Variants in ZMYM2 observed in about 807,000 individuals in gnomAD.
The protein encoded by ZMYM2 is zinc finger MYM-type protein 2.
A neutral mutation model predicts 162.8 loss-of-function variants in ZMYM2; 56 were observed. The observed-to-expected ratio is 0.34, with a 90% CI of 0.28 to 0.43. The LOEUF (loss-of-function observed/expected upper bound fraction) is 0.43. Ranked by LOEUF, ZMYM2 falls within the 20% of genes least tolerant of loss-of-function variation. The probability of loss-of-function intolerance (pLI) is 1.00; values close to 1 mark genes in which losing one functional copy is unlikely to be tolerated. For missense variants in ZMYM2, 1,275 were observed against 1,621.8 expected (o/e 0.79, Z 3.67); for synonymous variants, 510 against 541.6 (o/e 0.94, Z 0.81).
chr13:19,876,057 G>C, the ZMYM2 span, among the ~76,000 whole-genome samples: 1 of 147,922 alleles, frequency 6.8e-6, no homozygotes, highest in African/African-American at 2.5e-5. Flanking sequence ...TCGGAGTCTT[G>C]CTCTTGTCAC....
chr13:19,989,643 A>G (rs1186736778), intron 2 of ZMYM2, among the ~76,000 whole-genome samples: 3 of 152,118 alleles, frequency 2.0e-5, no homozygotes, highest in Non-Finnish European at 4.4e-5. Flanking sequence ...CCCTTCAACT[A>G]TTTATCCTTT....
chr13:20,034,486 C>T (rs975678941), intron 11 of ZMYM2, 82 bp downstream of exon 11: 1 of 1,288,062 alleles, frequency 7.8e-7, no homozygotes, highest in Non-Finnish European at 1.0e-6. Flanking sequence ...AGAGTGGCTG[C>T]ACAATTTTAA....
the ZMYM2 span, among the ~76,000 whole-genome samples, chr13:19,876,295 T>A: frequency 6.6e-6 from 1 of 152,134 alleles, no homozygotes; most frequent in Non-Finnish European, 1.5e-5. Flanking sequence ...CCCAAAGTGC[T>A]GGGATTACAT....
Position 20,082,866 on chromosome 13 carries a change from A to C in ZMYM2, c.3654A>C (p.Thr1218=). The change falls in exon 23 of 25, where the codon ACA becomes ACC. Residue 1218 remains threonine, a synonymous_variant. Transcript: ENST00000610343. The part of the protein sequence containing the change: ...GSHSPVALLN[T]LFYFNTKYFG... ...ACTCTCCAGTAGCTCTTCTGAATAC[A>C]CTGTTCTACTTTAACACTAAGTATT... The C allele has an allele frequency of 6.2e-7, 1 of 1,613,948 alleles. No homozygotes were observed. The highest frequency in any genetic ancestry group is 8.5e-7 in the Non-Finnish European group (1 of 1,179,864).
At chr13:19,906,919 T>C in the ZMYM2 span, among the ~76,000 whole-genome samples, 1 of 152,100 alleles carries the variant, frequency 6.6e-6, no homozygotes, top group African/African-American at 2.4e-5. Flanking sequence ...AGGGATGGGG[T>C]CTCATTATGT....
Position 20,087,318 on chromosome 13 carries a change from A to C in ZMYM2, c.*1304A>C, listed in dbSNP as rs1427675190. The C allele has an allele frequency of 1.1e-5, 2 of 188,956 alleles. No homozygotes were observed. The highest frequency in any genetic ancestry group is 2.2e-5 in the Non-Finnish European group (2 of 89,796). 11.7% of individuals were successfully genotyped at this position (188,956 alleles called of 1,614,324 possible). ...CTTCTGCATAGCAATTTATCCATTC[A>C]GACCTTTTCTTTTAGAATAAGGAAA... On this transcript the variant is annotated 3_prime_UTR_variant, in exon 25 of 25. Coordinates refer to ENST00000610343, the MANE Select transcript of ZMYM2 (RefSeq NM_197968.4).
At chr13:19,991,079 CTGTGTGTGTGTGTG>C (rs56666919) in intron 2 of ZMYM2, among the ~76,000 whole-genome samples, 1 of 59,838 alleles carries the variant, frequency 1.7e-5, no homozygotes, top group East Asian at 7.5e-4. Context: ...TATGTATTTT[CTGTGTGTGTGTGTG>C]TGTGTGTGTG....
intron 2 of ZMYM2, among the ~76,000 whole-genome samples, chr13:19,965,805 G>A (rs1306828786): frequency 1.0e-5 from 1 of 97,046 alleles, no homozygotes. Context: ...ACGGAGTCTT[G>A]CTGTGTTGCC....
In ZMYM2 at chr13:20,086,449, G is replaced by A. The variant is rs906513858; in HGVS notation, c.*435G>A. 3.6e-5 allele frequency: 8 copies of A among 222,736 alleles called. No individual in the cohort carries two copies. Among genetic ancestry groups the A allele is most frequent in the African/African-American group, 1.6e-4 (7 of 44,792 alleles). The allele number at this position is 222,736 out of a possible 1,614,324, so 13.8% of individuals were successfully genotyped here. On this transcript the variant is annotated 3_prime_UTR_variant, in exon 25 of 25. Transcript: ENST00000610343. ...CTACTAAAAGTTTAGAACTTGCAGTGTCTTTCGGAATTTTTAAAATAAACT... is the reference window on the plus strand; with the variant it reads ...CTACTAAAAGTTTAGAACTTGCAGTATCTTTCGGAATTTTTAAAATAAACT...
At position 20,075,670 on chromosome 13, in the gene ZMYM2, C is replaced by CTTTTTTTTTTTT. The variant is rs56664916; in HGVS notation, c.3454-6325_3454-6314dup. Among the ~76,000 whole-genome samples the CTTTTTTTTTTTT allele has an allele frequency of 7.7e-4, 58 of 75,718 alleles. 4 individuals carry two copies. The highest frequency in any genetic ancestry group is 1.8e-3 in the African/African-American group (34 of 18,452). 49.7% of individuals were successfully genotyped at this position (75,718 alleles called of 152,430 possible). The stretch of plus-strand genomic sequence containing the variant: ...TTATTATGAATAGAACTATAGACAC[C>CTTTTTTTTTTTT]TTTTTTTTTTTTTTTTTTTTTTTTT... On this transcript the variant is annotated intron_variant, in intron 21 of 24. Coordinates refer to ENST00000610343, the MANE Select transcript of ZMYM2 (RefSeq NM_197968.4).
chr13:20,012,136 T>C (rs956140021), intron 6 of ZMYM2, among the ~76,000 whole-genome samples: 21 of 151,824 alleles, frequency 1.4e-4, no homozygotes, highest in African/African-American at 4.8e-4. Context: ...TCCTCCTGCC[T>C]TGGCCTCCCA....
the ZMYM2 span, among the ~76,000 whole-genome samples, chr13:19,906,290 A>ATATATG: frequency 1.1e-5 from 1 of 94,934 alleles, no homozygotes; most frequent in African/African-American, 4.0e-5. Context: ...AAAAGTATAT[A>ATATATG]TATATATATA....
At chr13:19,870,196 C>A in the ZMYM2 span, among the ~76,000 whole-genome samples, 1 of 152,216 alleles carries the variant, frequency 6.6e-6, no homozygotes, top group Non-Finnish European at 1.5e-5. Flanking sequence ...TTCTCTGTCT[C>A]CCAGGCTGGA....
At chr13:19,902,222 T>C in the ZMYM2 span, among the ~76,000 whole-genome samples, 1 of 152,234 alleles carries the variant, frequency 6.6e-6, no homozygotes. Context: ...AATAGAATGA[T>C]GATTGCCAGT....
the ZMYM2 span, among the ~76,000 whole-genome samples, chr13:19,924,248 T>C: frequency 6.6e-6 from 1 of 152,162 alleles, no homozygotes; most frequent in African/African-American, 2.4e-5. Context: ...CATTAAATAC[T>C]TCATATAAGT....
the ZMYM2 span, among the ~76,000 whole-genome samples, chr13:19,941,574 A>G: frequency 6.6e-6 from 1 of 152,080 alleles, no homozygotes; most frequent in Non-Finnish European, 1.5e-5. Context: ...CCCTAATTTT[A>G]TAACCAATTG....
intron 7 of ZMYM2, among the ~76,000 whole-genome samples, chr13:20,021,579 T>C (rs1424381664): frequency 1.3e-5 from 2 of 152,210 alleles, no homozygotes; most frequent in Non-Finnish European, 2.9e-5. Flanking sequence ...GAGCAAACTT[T>C]AGCCTGGGGC....
intron 21 of ZMYM2, among the ~76,000 whole-genome samples, chr13:20,075,590 A>G (rs985737029): frequency 5.3e-5 from 8 of 151,108 alleles, no homozygotes; most frequent in African/African-American, 2.0e-4. Flanking sequence ...ACATTTCATG[A>G]TCATTCTTTC....
At position 20,005,246 on chromosome 13, in the gene ZMYM2, A is replaced by G. The variant is rs1950653633; in HGVS notation, c.1299+7A>G. ...CTGTGGTAAACTAACTGAGGTTTGTATTTTTTTTCTTTATCATTTAATTCT... is the reference window on the plus strand; with the variant it reads ...CTGTGGTAAACTAACTGAGGTTTGTGTTTTTTTTCTTTATCATTTAATTCT... On this transcript the variant is annotated splice_region_variant and intron_variant, in intron 5 of 24. Transcript: ENST00000610343. 2.0e-6 allele frequency: 3 copies of G among 1,511,590 alleles called. No homozygotes were observed. Among genetic ancestry groups the G allele is most frequent in the African/African-American group, 1.4e-5 (1 of 69,184 alleles). 93.6% of individuals were successfully genotyped at this position (1,511,590 alleles called of 1,614,324 possible). A position where few individuals can be genotyped will look rare whatever the true frequency, so the allele number is the denominator to read the frequency against.
Sources: allele counts gnomAD v4.1 joint callset (sites outside exome capture counted in the v4.1 genomes callset), GRCh38; gene constraint gnomAD v4.1.1; transcripts MANE v1.5; gene names NCBI Gene and HGNC (gene_info 2026-07-23, HGNC 2026-07-21).